TNFRSF13B: variants seen among roughly 807,000 people sequenced by gnomAD.
The protein encoded by TNFRSF13B is tumor necrosis factor receptor superfamily member 13B.
TNFRSF13B carries 34 observed loss-of-function variants against 24.0 expected under a neutral mutation model. The ratio of observed to expected loss-of-function variants is 1.41; its 90% CI spans 1.08 to 1.88. The LOEUF is 1.88. Among genes scored for constraint, TNFRSF13B ranks in the 40% most tolerant of loss-of-function variants. TNFRSF13B has a pLI of 0.00. For synonymous variants in TNFRSF13B, 173 were observed against 150.3 expected, an observed-to-expected ratio of 1.15 and a Z score of -1.10; for missense variants, 415 against 380.8, an observed-to-expected ratio of 1.09 and a Z score of -0.75.
At chr17:16,950,016 T>G (rs962394092) in intron 2 of TNFRSF13B, among the ~76,000 whole-genome samples, 1 of 152,092 alleles carries the variant, frequency 6.6e-6, no homozygotes, top group Non-Finnish European at 1.5e-5. Context: ...TACATGGAAG[T>G]TTTTACGTGA....
In TNFRSF13B at chr17:16,940,497, T is replaced by A. The variant is rs747259900; in HGVS notation, c.460A>T (p.Lys154Ter). 6.8e-6 allele frequency: 11 copies of A among 1,613,616 alleles called. No individual in the cohort carries two copies. The East Asian group carries it at 2.2e-4, about 33-fold the overall frequency. ...AGGGCCACCTGATCTGCACTCAGCT[T>A]CAGCCCCGGGAGAGCTGCAAGACAG... Reference protein sequence around the residue: ...SEASPALPGLKLSADQVALVY... With the variant: ...SEASPALPGL The change falls in exon 4 of 5, where the codon AAG (lysine) becomes TAG (stop). Residue 154 changes from lysine (K) to a stop codon, truncating the protein, a stop_gained. Coordinates refer to ENST00000261652, the MANE Select transcript of TNFRSF13B (RefSeq NM_012452.3). LOFTEE classifies it high-confidence loss of function.
chr17:16,940,012 A>G, intron 4 of TNFRSF13B: 1 of 962,308 alleles, frequency 1.0e-6, no homozygotes, highest in South Asian at 1.8e-5. Flanking sequence ...ACTTCTGTCC[A>G]GCACCGAGCC....
intron 1 of TNFRSF13B, among the ~76,000 whole-genome samples, chr17:16,954,923 TC>T (rs1305031147): frequency 1.3e-5 from 2 of 152,140 alleles, no homozygotes; most frequent in Admixed American, 6.5e-5. Context: ...GTCTCCCCTC[TC>T]CTTACCCACC....
chr17:16,950,747 C>T (rs2143659729), intron 2 of TNFRSF13B, among the ~76,000 whole-genome samples: 1 of 152,280 alleles, frequency 6.6e-6, no homozygotes, highest in Admixed American at 6.5e-5. Context: ...CACACCCCTC[C>T]CTGCCTGACC....
chr17:16,943,677 C>T (rs568966790), intron 3 of TNFRSF13B, among the ~76,000 whole-genome samples: 1 of 152,308 alleles, frequency 6.6e-6, no homozygotes, highest in African/African-American at 2.4e-5. Context: ...GGCCCTCTGT[C>T]ATCTGGCATC....
chr17:16,951,595 A>G (rs542568045), intron 2 of TNFRSF13B, among the ~76,000 whole-genome samples: 2 of 152,370 alleles, frequency 1.3e-5, no homozygotes, highest in South Asian at 2.1e-4. Flanking sequence ...GTGCTTTAAA[A>G]TACACAAGGC....
At chr17:16,967,730 C>G (rs1467311036) in intron 1 of TNFRSF13B, among the ~76,000 whole-genome samples, 4 of 111,232 alleles carry the variant, frequency 3.6e-5, no homozygotes, top group African/African-American at 1.5e-4. Context: ...CCAGCCTGGG[C>G]GACAGAGTGA....
chr17:16,971,959 C>T lies in TNFRSF13B; in HGVS notation c.61+56G>A, dbSNP rs945696201. On this transcript the variant is annotated intron_variant, in intron 1 of 4. Transcript: ENST00000261652. ...CCTTGCAACCCCCACGGCACTCAGG[C>T]CCAACCCTCCTCACACCTCCCACCT... 9 of 1,596,058 alleles carry T rather than the reference C, an allele frequency of 5.6e-6. No individual in the cohort carries two copies. In the Admixed American group the frequency reaches 1.2e-4, roughly 21 times the overall value.
Position 16,948,877 on chromosome 17 carries a change from G to A in TNFRSF13B, c.306C>T (p.Tyr102=). Residue 102 remains tyrosine (Y), a synonymous_variant, in exon 3 of 5, where the codon TAC becomes TAT. Transcript: ENST00000261652. ...GGCTCCTGAGCTTGTTCTCACAGAA[G>A]TATGCACATTGCTTAGGGTGCTGTC... ...ICGQHPKQCA[Y]FCENKLRSPV... 6.2e-7 allele frequency: 1 copy of A among 1,614,192 alleles called. No individual in the cohort carries two copies. Among genetic ancestry groups the A allele is most frequent in the Non-Finnish European group, 8.5e-7 (1 of 1,180,038 alleles).
intron 1 of TNFRSF13B, among the ~76,000 whole-genome samples, chr17:16,958,158 G>T (rs2087637304): frequency 6.6e-6 from 1 of 151,768 alleles, no homozygotes; most frequent in Non-Finnish European, 1.5e-5. Flanking sequence ...AAACTAAGTT[G>T]ATATTATTCA....
intron 3 of TNFRSF13B, chr17:16,940,845 A>G (rs1272441714): frequency 2.4e-6 from 3 of 1,239,320 alleles, no homozygotes; most frequent in Non-Finnish European, 3.1e-6. Context: ...TGCTCCAGGG[A>G]GCATGTCTCT....
chr17:16,939,649 C>A lies in TNFRSF13B; in HGVS notation c.780G>T (p.Gly260=), dbSNP rs922685521. ...TPDPTCAGRW[G]CHTRTTVLQP... The stretch of plus-strand genomic sequence containing the variant: ...GCAGGACTGTGGTCCTGGTGTGGCA[C>A]CCCCACCTTCCAGCACAAGTGGGGT... Residue 260 remains glycine (G), a synonymous_variant, in exon 5 of 5, where the codon GGG becomes GGT. Coordinates refer to ENST00000261652, the MANE Select transcript of TNFRSF13B (RefSeq NM_012452.3). 1.2e-6 allele frequency: 2 copies of A among 1,612,474 alleles called. No homozygotes were observed. Among genetic ancestry groups the A allele is most frequent in the Non-Finnish European group, 8.5e-7 (1 of 1,178,960 alleles).
In TNFRSF13B at chr17:16,940,467, A is replaced by G; in HGVS notation, c.490T>C (p.Tyr164His). 1 of 1,613,834 alleles carries G rather than the reference A, an allele frequency of 6.2e-7. No individual in the cohort carries two copies. The highest frequency in any genetic ancestry group is 2.2e-5 in the East Asian group (1 of 44,868). ...CACAGGCAGAGCCCCAGCGTGCTGT[A>G]GACCAGGGCCACCTGATCTGCACTC... ...KLSADQVALV[Y>H]STLGLCLCAV... The change falls in exon 4 of 5, where the codon TAC becomes CAC. Residue 164 changes from tyrosine to histidine, a missense_variant. Coordinates refer to ENST00000261652, the MANE Select transcript of TNFRSF13B (RefSeq NM_012452.3).
At chr17:16,946,600 T>A (rs188661712) in intron 3 of TNFRSF13B, among the ~76,000 whole-genome samples, 6,454 of 150,268 alleles carry the variant, frequency 0.043, 291 homozygotes, top group African/African-American at 0.12. Context: ...TTATTTATTT[T>A]TTTTTGAGAC....
At position 16,939,492 on chromosome 17, in the gene TNFRSF13B, C is replaced by G; in HGVS notation, c.*55G>C. On this transcript the variant is annotated 3_prime_UTR_variant, in exon 5 of 5. Transcript: ENST00000261652. ...CTCTCCCCTCTCCCCACCTCTCTTT[C>G]TCTCTCCCCTCCTCTCCATCTCTCT... The G allele has an allele frequency of 1.3e-6, 2 of 1,561,286 alleles. No individual in the cohort carries two copies. Among genetic ancestry groups the G allele is most frequent in the South Asian group, 1.2e-5 (1 of 84,592 alleles).
At chr17:16,951,582 G>T (rs2087588850) in intron 2 of TNFRSF13B, among the ~76,000 whole-genome samples, 1 of 152,130 alleles carries the variant, frequency 6.6e-6, no homozygotes, top group Non-Finnish European at 1.5e-5. Context: ...TGAGATCTTG[G>T]CTGTGCTTTA....
intron 3 of TNFRSF13B, among the ~76,000 whole-genome samples, chr17:16,947,676 A>T (rs770702686): frequency 6.6e-6 from 1 of 152,240 alleles, no homozygotes; most frequent in African/African-American, 2.4e-5. Flanking sequence ...AAGAATGGCT[A>T]TTGTTAGAAA....
rs796527912 is a variant in TNFRSF13B at position 16,966,810 on chromosome 17, G to GT, written c.61+5204dup. ...GCTGCCGAAGTGAGCACAACATTTG[G>GT]TTTTTTTTGTTTTTTCTTTTTCTTT... On this transcript the variant is annotated intron_variant, in intron 1 of 4. Coordinates refer to ENST00000261652, the MANE Select transcript of TNFRSF13B (RefSeq NM_012452.3). Among the ~76,000 whole-genome samples the GT allele has an allele frequency of 1.2e-3, 168 of 137,970 alleles. 1 individual carries two copies. The highest frequency in any genetic ancestry group is 4.1e-3 in the African/African-American group (153 of 37,172). The allele number at this position is 137,970 out of a possible 152,430, so 90.5% of individuals were successfully genotyped here. A position where few individuals can be genotyped will look rare whatever the true frequency, so the allele number is the denominator to read the frequency against.
chr17:16,952,574 C>T lies in TNFRSF13B; in HGVS notation c.71G>A (p.Gly24Asp), dbSNP rs1156339689. ...RVDQEERFPQ[G>D]LWTGVAMRSC... The stretch of plus-strand genomic sequence containing the variant: ...TCTCATAGCCACCCCCGTCCACAGG[C>T]CCTGTGGAACTGAGAGACCAGGAGA... Residue 24 changes from glycine to aspartate, a missense_variant, in exon 2 of 5, where the codon GGC becomes GAC. By Grantham distance (94) the Gly-to-Asp change is moderately conservative. Coordinates refer to ENST00000261652, the MANE Select transcript of TNFRSF13B (RefSeq NM_012452.3). 1.2e-6 allele frequency: 2 copies of T among 1,614,114 alleles called. No individual in the cohort carries two copies. Among genetic ancestry groups the T allele is most frequent in the Non-Finnish European group, 1.7e-6 (2 of 1,180,046 alleles).
Sources: allele counts gnomAD v4.1 joint callset (sites outside exome capture counted in the v4.1 genomes callset), GRCh38; gene constraint gnomAD v4.1.1; transcripts MANE v1.5; gene names NCBI Gene and HGNC (gene_info 2026-07-23, HGNC 2026-07-21).